NTM: variants seen among roughly 807,000 people sequenced by gnomAD.
NTM encodes the protein IgLON family member 2.
In NTM, 13 loss-of-function variants were observed where a neutral mutation model predicts 42.1. That is an observed-to-expected ratio of 0.31 (90% CI 0.20 to 0.49). The LOEUF is 0.49. Among genes scored for constraint, NTM ranks in the 20% least tolerant of loss-of-function variants. The pLI is 0.99. For missense variants in NTM, 373 were observed against 452.8 expected, an observed-to-expected ratio of 0.82 and a Z score of 1.60; for synonymous variants, 187 against 179.2, an observed-to-expected ratio of 1.04 and a Z score of -0.35.
At chr11:131,789,636 A>AGG (rs1555127949) in intron 1 of NTM, among the ~76,000 whole-genome samples, 2 of 30,900 alleles carry the variant, frequency 6.5e-5, no homozygotes, top group African/African-American at 1.2e-4. Context: ...AAGAAGAAGA[A>AGG]AAGAAGAAGA....
At position 132,209,040 on chromosome 11, in the gene NTM, G is replaced by A. The variant is rs2082422133; in HGVS notation, c.401-2982G>A. On this transcript the variant is annotated intron_variant, in intron 3 of 8. Transcript: ENST00000683400. ...AACGTATGGGTTGGTGTTGGGGGGT[G>A]GGGGAAGGAGGTGGCTGGTGCATGA... is the stretch of plus-strand genomic sequence containing the variant. 1.3e-5 allele frequency among the ~76,000 whole-genome samples: 2 copies of A among 152,106 alleles called. 1 individual carries two copies. The highest frequency in any genetic ancestry group is 4.1e-4 in the South Asian group (2 of 4,820).
chr11:131,550,811 G>A (rs1295759064), intron 1 of NTM, among the ~76,000 whole-genome samples: 1 of 152,026 alleles, frequency 6.6e-6, no homozygotes, highest in Non-Finnish European at 1.5e-5. Flanking sequence ...ATTTTAGCCT[G>A]GGCAATAGAG....
intron 2 of NTM, among the ~76,000 whole-genome samples, chr11:132,006,617 G>A (rs2070849664): frequency 6.6e-6 from 1 of 152,230 alleles, no homozygotes; most frequent in Admixed American, 6.5e-5. Flanking sequence ...GTGTGCCTAG[G>A]CACCTATTCT....
At chr11:132,261,971 C>A (rs763827951) in intron 4 of NTM, among the ~76,000 whole-genome samples, 1 of 152,320 alleles carries the variant, frequency 6.6e-6, no homozygotes, top group Middle Eastern at 3.4e-3. Context: ...GAGGCTCCAG[C>A]TGGATAAAGA....
chr11:131,613,889 C>T (rs1255228600), intron 1 of NTM, among the ~76,000 whole-genome samples: 1 of 152,196 alleles, frequency 6.6e-6, no homozygotes, highest in African/African-American at 2.4e-5. Flanking sequence ...CAGAGGAACC[C>T]TGGTCTCTGG....
chr11:131,873,638 C>CAT (rs1187649443), intron 1 of NTM, among the ~76,000 whole-genome samples: 4 of 117,684 alleles, frequency 3.4e-5, no homozygotes, highest in East Asian at 4.5e-4. Flanking sequence ...TATATATACA[C>CAT]ATATATATAT....
chr11:131,399,327 A>G (rs1000556860), intron 1 of NTM, among the ~76,000 whole-genome samples: 5 of 152,178 alleles, frequency 3.3e-5, no homozygotes, highest in African/African-American at 1.2e-4. Context: ...GAATATTGAG[A>G]GCTGGAATAG....
Position 131,739,421 on chromosome 11 carries a change from C to T in NTM, c.83-172143C>T, listed in dbSNP as rs572537682. Among the ~76,000 whole-genome samples the T allele has an allele frequency of 1.8e-4, 27 of 152,140 alleles. 1 individual carries two copies. In the East Asian group the frequency reaches 4.4e-3, roughly 25 times the overall value. The stretch of plus-strand genomic sequence containing the variant: ...GATAATAATGGCTCCCTTGAAAGGC[C>T]GCAGGGATAATGAGCTGCCATTATT... On this transcript the variant is annotated intron_variant, in intron 1 of 8. Coordinates refer to ENST00000683400, the MANE Select transcript of NTM (RefSeq NM_001352005.2).
intron 1 of NTM, among the ~76,000 whole-genome samples, chr11:131,686,339 T>C (rs2073869787): frequency 2.0e-5 from 3 of 152,250 alleles, no homozygotes; most frequent in Admixed American, 6.5e-5. Context: ...TCAATTAACA[T>C]GGATTTTGCA....
chr11:131,619,078 G>A (rs2062249856), intron 1 of NTM, among the ~76,000 whole-genome samples: 1 of 152,200 alleles, frequency 6.6e-6, no homozygotes, highest in South Asian at 2.1e-4. Context: ...GATGTGAAGA[G>A]CTCTGCCTTT....
Position 131,835,102 on chromosome 11 carries a change from T to A in NTM, c.83-76462T>A, listed in dbSNP as rs565060890. Among the ~76,000 whole-genome samples the A allele has an allele frequency of 3.3e-5, 5 of 152,294 alleles. No individual in the cohort carries two copies. The South Asian group carries it at 1.0e-3, about 32-fold the overall frequency. ...TGGGGCTTACACTCTGGAGACTGGATGTATTATAAGCAGAACAGGAAATTT... is the reference window on the plus strand; with the variant it reads ...TGGGGCTTACACTCTGGAGACTGGAAGTATTATAAGCAGAACAGGAAATTT... On this transcript the variant is annotated intron_variant, in intron 1 of 8. Transcript: ENST00000683400.
intron 4 of NTM, among the ~76,000 whole-genome samples, chr11:132,283,312 T>TAA (rs1022359796): frequency 6.6e-6 from 1 of 152,134 alleles, no homozygotes; most frequent in African/African-American, 2.4e-5. Context: ...TCATATGGTG[T>TAA]AAAAGCTAAA....
intron 2 of NTM, among the ~76,000 whole-genome samples, chr11:132,039,680 C>T (rs2076943846): frequency 1.3e-5 from 2 of 152,040 alleles, no homozygotes; most frequent in African/African-American, 4.8e-5. Context: ...CAGAGAGGCC[C>T]AAAGGGGGCC....
chr11:131,733,467 C>T (rs57813864), intron 1 of NTM, among the ~76,000 whole-genome samples: 6,689 of 49,314 alleles, frequency 0.14, 159 homozygotes, highest in Middle Eastern at 0.17. Context: ...TCCTTCTTTC[C>T]TTCCTTCCTT....
chr11:131,928,412 G>T (rs985448131), intron 2 of NTM, among the ~76,000 whole-genome samples: 5 of 152,240 alleles, frequency 3.3e-5, no homozygotes, highest in African/African-American at 1.2e-4. Context: ...ATGTATAGAG[G>T]ATGCTGGAAG....
chr11:131,987,226 A>G lies in NTM; in HGVS notation c.167+75578A>G, dbSNP rs112973370. Among the ~76,000 whole-genome samples the G allele has an allele frequency of 4.2e-3, 645 of 152,298 alleles. 9 individuals carry two copies. Among genetic ancestry groups the G allele is most frequent in the African/African-American group, 0.015 (607 of 41,562 alleles). ...CTGTCTGGCTTTAGTACCTGTGCCA[A>G]TTATTTGCAAAGTTGTTCATACTAA... On this transcript the variant is annotated intron_variant, in intron 2 of 8. Coordinates refer to ENST00000683400, the MANE Select transcript of NTM (RefSeq NM_001352005.2).
rs368087226 is a variant in NTM at position 132,191,314 on chromosome 11, C to A, written c.401-20708C>A. Among the ~76,000 whole-genome samples, 30 of 152,306 alleles carry A rather than the reference C, an allele frequency of 2.0e-4. 1 individual carries two copies. The highest frequency in any genetic ancestry group is 7.0e-4 in the African/African-American group (29 of 41,566). On this transcript the variant is annotated intron_variant, in intron 3 of 8. Transcript: ENST00000683400. ...TGATCTGGGAGCACCTCGCTCCCAC[C>A]TTCCAGTGCAGCCAGTGCTCAACCT...
intron 2 of NTM, among the ~76,000 whole-genome samples, chr11:132,111,220 G>A (rs1591582533): frequency 2.0e-5 from 3 of 150,646 alleles, no homozygotes; most frequent in Non-Finnish European, 4.4e-5. Flanking sequence ...AGAAATTTAT[G>A]TGCATGCCTA....
At chr11:132,307,890 C>T in intron 5 of NTM, 67 bp downstream of exon 5, 1 of 1,509,984 alleles carries the variant, frequency 6.6e-7, no homozygotes, top group Non-Finnish European at 9.1e-7. Context: ...AGCCACCACC[C>T]AGAGCCCATT....
Sources: allele counts gnomAD v4.1 joint callset (sites outside exome capture counted in the v4.1 genomes callset), GRCh38; gene constraint gnomAD v4.1.1; transcripts MANE v1.5; gene names NCBI Gene and HGNC (gene_info 2026-07-23, HGNC 2026-07-21).